The following OR51B5 variants were observed in gnomAD, a reference collection of about 807,000 sequenced individuals.
OR51B5 encodes olfactory receptor 51B5.
For missense variants in OR51B5, 456 were observed against 374.6 expected, an observed-to-expected ratio of 1.22 and a Z score of -1.79; for synonymous variants, 186 against 144.8, an observed-to-expected ratio of 1.28 and a Z score of -2.04.
chr11:5,413,912 A>C (rs1475878139), intron 1 of OR51B5, among the ~76,000 whole-genome samples: 7 of 149,220 alleles, frequency 4.7e-5, no homozygotes, highest in Non-Finnish European at 1.0e-4. Flanking sequence ...GCAAACATTC[A>C]GATTCAGGAA....
intron 1 of OR51B5, chr11:5,423,129 C>T: frequency 6.3e-7 from 1 of 1,599,292 alleles, no homozygotes. Context: ...AATTTCCTTT[C>T]CCTCAAAAAT....
At chr11:5,478,134 G>C (rs985205057) in intron 1 of OR51B5, among the ~76,000 whole-genome samples, 4 of 151,546 alleles carry the variant, frequency 2.6e-5, no homozygotes, top group Admixed American at 6.6e-5. Context: ...GAAGAGAGCA[G>C]TGGTTCTCCC....
chr11:5,352,034 T>C, intron 1 of OR51B5: 1 of 1,613,994 alleles, frequency 6.2e-7, no homozygotes, highest in South Asian at 1.1e-5. Context: ...TCCCATGCTT[T>C]CTGTCTACAC....
chr11:5,356,475 G>A (rs1158978031), intron 1 of OR51B5, among the ~76,000 whole-genome samples: 1 of 148,158 alleles, frequency 6.7e-6, no homozygotes, highest in Non-Finnish European at 1.5e-5. Flanking sequence ...ATGGGACTAT[G>A]TGAAAAGACC....
At chr11:5,413,896 G>A (rs1850191210) in intron 1 of OR51B5, among the ~76,000 whole-genome samples, 1 of 150,792 alleles carries the variant, frequency 6.6e-6, no homozygotes, top group African/African-American at 2.4e-5. Context: ...CAATCTAGCA[G>A]GGCAGGCAAA....
At chr11:5,355,709 G>C (rs1849182993) in intron 1 of OR51B5, 1 of 151,958 alleles carries the variant, frequency 6.6e-6, no homozygotes. Context: ...GTTTTCAGTG[G>C]TGTGTCATTT....
chr11:5,376,016 TC>T (rs1484866426), intron 1 of OR51B5, among the ~76,000 whole-genome samples: 2 of 151,810 alleles, frequency 1.3e-5, no homozygotes, highest in Non-Finnish European at 1.5e-5. Flanking sequence ...ACATTTTTTT[TC>T]AGCACCACAC....
intron 1 of OR51B5, chr11:5,423,203 G>T (rs767486290): frequency 2.4e-5 from 36 of 1,479,670 alleles, no homozygotes; most frequent in African/African-American, 1.4e-4. Context: ...TAGGCTTAAG[G>T]GGGGAATATA....
chr11:5,489,616 C>A (rs11037758), intron 1 of OR51B5: 3 of 1,613,708 alleles, frequency 1.9e-6, no homozygotes, highest in Non-Finnish European at 1.7e-6. Flanking sequence ...CAAGGAGATT[C>A]GGAGTCGACT....
At chr11:5,352,805 T>C (rs1404634285) in intron 1 of OR51B5, among the ~76,000 whole-genome samples, 1 of 145,520 alleles carries the variant, frequency 6.9e-6, no homozygotes, top group African/African-American at 2.5e-5. Flanking sequence ...CACTATTATA[T>C]ATATTTAATA....
rs139838562 is a variant in OR51B5, at chr11:5,441,117, C to T, written n.84+64452G>A. 68 of 1,613,960 alleles carry T rather than the reference C, an allele frequency of 4.2e-5. No homozygotes were observed. The highest frequency in any genetic ancestry group is 1.7e-4 in the Middle Eastern group (1 of 6,060). On this transcript the variant is annotated intron_variant and non_coding_transcript_variant, in intron 1 of 4. Coordinates refer to the OR51B5 transcript ENST00000415970. ...GTTGTGAGTGAGCACAGTGACATAG[C>T]GTAATGGATAACAAATAGCCACAAA... is the stretch of plus-strand genomic sequence containing the variant.
intron 1 of OR51B5, among the ~76,000 whole-genome samples, chr11:5,387,055 G>C (rs949778603): frequency 6.6e-6 from 1 of 152,082 alleles, no homozygotes; most frequent in Non-Finnish European, 1.5e-5. Context: ...TAATGTCTAA[G>C]AGCCACCACT....
chr11:5,347,220 T>A (rs1849006917), upstream of OR51B5, among the ~76,000 whole-genome samples: 1 of 152,150 alleles, frequency 6.6e-6, no homozygotes, highest in South Asian at 2.1e-4. Flanking sequence ...ACTTCAACAG[T>A]CAAATCTTTC....
chr11:5,378,222 A>T (rs573710822), intron 1 of OR51B5, among the ~76,000 whole-genome samples: 1 of 152,076 alleles, frequency 6.6e-6, no homozygotes, highest in African/African-American at 2.4e-5. Context: ...AGGATTCCCT[A>T]TTTAATAAAT....
chr11:5,497,457 T>G (rs1851666506), intron 1 of OR51B5, among the ~76,000 whole-genome samples: 1 of 152,118 alleles, frequency 6.6e-6, no homozygotes, highest in African/African-American at 2.4e-5. Flanking sequence ...AAGACAAAAT[T>G]GAGTCCACTA....
At chr11:5,371,533 G>A (rs1224987569) in intron 1 of OR51B5, among the ~76,000 whole-genome samples, 3 of 151,826 alleles carry the variant, frequency 2.0e-5, no homozygotes, top group African/African-American at 7.3e-5. Flanking sequence ...ATATCCAAAG[G>A]GTTACATAAG....
intron 1 of OR51B5, chr11:5,468,899 A>T: frequency 2.7e-6 from 1 of 368,972 alleles, no homozygotes; most frequent in Non-Finnish European, 5.4e-6. Context: ...GGCCAGTACC[A>T]CACTGGCCTT....
At chr11:5,454,214 G>A in intron 1 of OR51B5, 1 of 1,614,170 alleles carries the variant, frequency 6.2e-7, no homozygotes, top group African/African-American at 1.3e-5. Flanking sequence ...ACACATGTGT[G>A]TCACATATCC....
chr11:5,402,560 T>G, intron 1 of OR51B5: 1 of 432,816 alleles, frequency 2.3e-6, no homozygotes, highest in South Asian at 1.7e-5. Context: ...TTTCTAATTT[T>G]CAAGGTGGCA....
Sources: gnomAD v4.1 joint callset for allele counts (sites outside exome capture counted in the v4.1 genomes callset) on GRCh38, gnomAD v4.1.1 for gene constraint, MANE v1.5 for transcripts, NCBI Gene and HGNC (gene_info 2026-07-23, HGNC 2026-07-21) for gene names.